The following GATD1 variants were observed in gnomAD, a reference collection of about 807,000 sequenced individuals.
GATD1 encodes glutamine amidotransferase-like class 1 domain-containing protein 1.
GATD1 carries 23 observed loss-of-function variants against 25.9 expected under a neutral mutation model. The ratio of observed to expected loss-of-function variants is 0.89; its 90% CI spans 0.64 to 1.26. GATD1 has a LOEUF of 1.26. GATD1 is among the 50% of genes most tolerant of loss of function. The probability of loss-of-function intolerance (pLI) is 0.00; values close to 1 mark genes in which losing one functional copy is unlikely to be tolerated. For synonymous variants in GATD1, 177 were observed against 134.6 expected, an observed-to-expected ratio of 1.31 and a Z score of -2.18; for missense variants, 347 against 312.5, an observed-to-expected ratio of 1.11 and a Z score of -0.83.
chr11:770,150 G>A lies in GATD1; in HGVS notation c.*747C>T. On this transcript the variant is annotated 3_prime_UTR_variant, in exon 8 of 8. Coordinates refer to ENST00000319863, the MANE Select transcript of GATD1 (RefSeq NM_182612.4). ...GGCCACAGCCCAGGCCAGGTGCCCAGCAGGCTGGACCACTGTCTGCTCTTG... is the reference window on the plus strand; with the variant it reads ...GGCCACAGCCCAGGCCAGGTGCCCAACAGGCTGGACCACTGTCTGCTCTTG... 8.0e-7 allele frequency: 1 copy of A among 1,252,514 alleles called. No individual in the cohort carries two copies. The highest frequency in any genetic ancestry group is 1.0e-6 in the Non-Finnish European group (1 of 997,558). The allele number at this position is 1,252,514 out of a possible 1,614,324, so 77.6% of individuals were successfully genotyped here.
chr11:776,214 C>T (rs1315961917), intron 1 of GATD1, among the ~76,000 whole-genome samples: 1 of 152,076 alleles, frequency 6.6e-6, no homozygotes, highest in Non-Finnish European at 1.5e-5. Flanking sequence ...ATCTCTTGAC[C>T]TCGTGATCCG....
rs576673371 is a variant in GATD1, at chr11:775,054, G to A, written c.141+12C>T. 6.9e-6 allele frequency: 11 copies of A among 1,596,520 alleles called. No homozygotes were observed. In the South Asian group the frequency reaches 8.0e-5, roughly 12 times the overall value. On this transcript the variant is annotated intron_variant, in intron 2 of 7. Transcript: ENST00000319863. Reference sequence around the variant, plus strand: ...CCCAAGTGTCCAGTGGGGAAGGAGAGGCTGGACTTACCCCAGGGGTGGCCA... The same window carrying A: ...CCCAAGTGTCCAGTGGGGAAGGAGAAGCTGGACTTACCCCAGGGGTGGCCA...
rs1351499511 is a variant in GATD1, at chr11:770,654, G to A, written c.*243C>T. 7.8e-6 allele frequency: 11 copies of A among 1,419,060 alleles called. No individual in the cohort carries two copies. The highest frequency in any genetic ancestry group is 4.8e-5 in the South Asian group (3 of 62,810). The allele number at this position is 1,419,060 out of a possible 1,614,324, so 87.9% of individuals were successfully genotyped here. On this transcript the variant is annotated 3_prime_UTR_variant, in exon 8 of 8. Coordinates refer to ENST00000319863, the MANE Select transcript of GATD1 (RefSeq NM_182612.4). ...GCAGCTAGCACAGCTCTCCAGGCAC[G>A]TGGGGTCTTTTCTCTGCCTCCTACC...
chr11:770,351 GA>G lies in GATD1; in HGVS notation c.*545del. On this transcript the variant is annotated 3_prime_UTR_variant, in exon 8 of 8. Coordinates refer to ENST00000319863, the MANE Select transcript of GATD1 (RefSeq NM_182612.4). ...CACGCCAGGAAGATTTCTTCAACAG[GA>G]AAGTGCTGCCAGTGCCGGTCGGCCT... 3.3e-6 allele frequency: 5 copies of G among 1,534,490 alleles called. No homozygotes were observed. The highest frequency in any genetic ancestry group is 4.4e-6 in the Non-Finnish European group (5 of 1,145,994).
At position 771,584 on chromosome 11, in the gene GATD1, G is replaced by A. The variant is rs1390909419; in HGVS notation, c.451-158C>T. 4 of 1,398,720 alleles carry A rather than the reference G, an allele frequency of 2.9e-6. No individual in the cohort carries two copies. In the East Asian group the frequency reaches 7.9e-5, roughly 28 times the overall value. The allele number at this position is 1,398,720 out of a possible 1,614,324, so 86.6% of individuals were successfully genotyped here. ...GGACAGCTGCTAAGGCTGGAGGGCG[G>A]AGAGATGACAAAGTCTAGCCATCTT... is the stretch of plus-strand genomic sequence containing the variant. On this transcript the variant is annotated intron_variant, in intron 5 of 7. Coordinates refer to ENST00000319863, the MANE Select transcript of GATD1 (RefSeq NM_182612.4).
At position 767,524 on chromosome 11, in the gene GATD1, C is replaced by T; in HGVS notation, c.*3373G>A. ...AGAACCCACTTCACATCCCAAAGCCCCACCTGCTTTGATCTTCAATGCTGG... is the reference window on the plus strand; with the variant it reads ...AGAACCCACTTCACATCCCAAAGCCTCACCTGCTTTGATCTTCAATGCTGG... On this transcript the variant is annotated 3_prime_UTR_variant, in exon 8 of 8. Coordinates refer to ENST00000319863, the MANE Select transcript of GATD1 (RefSeq NM_182612.4). 1 of 1,426,482 alleles carries T rather than the reference C, an allele frequency of 7.0e-7. No homozygotes were observed. 88.4% of individuals were successfully genotyped at this position (1,426,482 alleles called of 1,614,324 possible).
In GATD1 at chr11:770,653, C is replaced by T. The variant is rs567929153; in HGVS notation, c.*244G>A. On this transcript the variant is annotated 3_prime_UTR_variant, in exon 8 of 8. Coordinates refer to ENST00000319863, the MANE Select transcript of GATD1 (RefSeq NM_182612.4). ...AGCAGCTAGCACAGCTCTCCAGGCA[C>T]GTGGGGTCTTTTCTCTGCCTCCTAC... The T allele has an allele frequency of 3.4e-5, 48 of 1,419,626 alleles. No homozygotes were observed. In the South Asian group the frequency reaches 5.6e-4, roughly 16 times the overall value. 87.9% of individuals were successfully genotyped at this position (1,419,626 alleles called of 1,614,324 possible). A position where few individuals can be genotyped will look rare whatever the true frequency, so the allele number is the denominator to read the frequency against.
In GATD1 at chr11:777,398, C is replaced by T. The variant is rs1403153210; in HGVS notation, c.64+1G>A. The T allele has an allele frequency of 2.7e-5, 35 of 1,297,880 alleles. No individual in the cohort carries two copies. Among genetic ancestry groups the T allele is most frequent in the Non-Finnish European group, 3.1e-5 (32 of 1,021,450 alleles). 80.4% of individuals were successfully genotyped at this position (1,297,880 alleles called of 1,614,324 possible). ...CACTGGCCCCGGCCGCCGGGCCTCA[C>T]CTTCGGCGGCGCCGCTGGCCACGAG... is the stretch of plus-strand genomic sequence containing the variant. On this transcript the variant is annotated splice_donor_variant, in intron 1 of 7. Coordinates refer to ENST00000319863, the MANE Select transcript of GATD1 (RefSeq NM_182612.4). LOFTEE classifies it high-confidence loss of function.
Position 767,507 on chromosome 11 carries a change from C to A in GATD1, c.*3390G>T. On this transcript the variant is annotated 3_prime_UTR_variant, in exon 8 of 8. Coordinates refer to ENST00000319863, the MANE Select transcript of GATD1 (RefSeq NM_182612.4). The stretch of plus-strand genomic sequence containing the variant: ...CTGTGGGGCCCCGCGTCAGAACCCA[C>A]TTCACATCCCAAAGCCCCACCTGCT... The A allele has an allele frequency of 1.4e-6, 2 of 1,428,724 alleles. No homozygotes were observed. The highest frequency in any genetic ancestry group is 1.8e-6 in the Non-Finnish European group (2 of 1,097,206). The allele number at this position is 1,428,724 out of a possible 1,614,324, so 88.5% of individuals were successfully genotyped here.
At chr11:775,170 T>A (rs1162191872) in intron 1 of GATD1, 28 bp from the exon 2 acceptor site, 1 of 1,574,982 alleles carries the variant, frequency 6.3e-7, no homozygotes, top group Admixed American at 1.9e-5. Context: ...GAGTGTGGGC[T>A]CGACAGGACT....
Position 770,726 on chromosome 11 carries a change from AC to A in GATD1, c.*170del, listed in dbSNP as rs1863352730. 11 of 1,472,988 alleles carry A rather than the reference AC, an allele frequency of 7.5e-6. No homozygotes were observed. The highest frequency in any genetic ancestry group is 9.8e-6 in the Non-Finnish European group (11 of 1,118,792). The allele number at this position is 1,472,988 out of a possible 1,614,324, so 91.2% of individuals were successfully genotyped here. On this transcript the variant is annotated 3_prime_UTR_variant, in exon 8 of 8. Transcript: ENST00000319863. Reference sequence around the variant, plus strand: ...GGGTTTGGACCCTCCAGGAGAGCCGACACCCCCTCAGAGCTGATTCCAGGAG... The same window carrying A: ...GGGTTTGGACCCTCCAGGAGAGCCGAACCCCCTCAGAGCTGATTCCAGGAG...
intron 1 of GATD1, among the ~76,000 whole-genome samples, chr11:776,476 G>A (rs1863991934): frequency 6.6e-6 from 1 of 151,934 alleles, no homozygotes; most frequent in African/African-American, 2.4e-5. Flanking sequence ...ACGCCTACCT[G>A]CTCTGGAAAC....
At position 767,530 on chromosome 11, in the gene GATD1, G is replaced by T; in HGVS notation, c.*3367C>A. 1 of 1,425,320 alleles carries T rather than the reference G, an allele frequency of 7.0e-7. No individual in the cohort carries two copies. The highest frequency in any genetic ancestry group is 9.1e-7 in the Non-Finnish European group (1 of 1,095,776). The allele number at this position is 1,425,320 out of a possible 1,614,324, so 88.3% of individuals were successfully genotyped here. ...CACTTCACATCCCAAAGCCCCACCTGCTTTGATCTTCAATGCTGGGCTCAA... is the reference window on the plus strand; with the variant it reads ...CACTTCACATCCCAAAGCCCCACCTTCTTTGATCTTCAATGCTGGGCTCAA... On this transcript the variant is annotated 3_prime_UTR_variant, in exon 8 of 8. Coordinates refer to ENST00000319863, the MANE Select transcript of GATD1 (RefSeq NM_182612.4).
In GATD1 at chr11:770,558, G is replaced by A; in HGVS notation, c.*339C>T. 7.1e-7 allele frequency: 1 copy of A among 1,415,792 alleles called. No individual in the cohort carries two copies. 87.7% of individuals were successfully genotyped at this position (1,415,792 alleles called of 1,614,324 possible). On this transcript the variant is annotated 3_prime_UTR_variant, in exon 8 of 8. Transcript: ENST00000319863. ...AGGACCCCCGAGCCGACTCTGTCTA[G>A]TCAACAGTGACCACACGTGACAACC...
intron 6 of GATD1, 79 bp downstream of exon 6, chr11:771,251 CAGG>C: frequency 6.4e-7 from 1 of 1,557,514 alleles, no homozygotes; most frequent in South Asian, 1.2e-5. Context: ...ACCCAGGGCC[CAGG>C]AGGCTTCTCC....
In GATD1 at chr11:770,975, C is replaced by T. The variant is rs752966924; in HGVS notation, c.656+18G>A. 8 of 1,613,322 alleles carry T rather than the reference C, an allele frequency of 5.0e-6. No individual in the cohort carries two copies. Among genetic ancestry groups the T allele is most frequent in the Non-Finnish European group, 6.8e-6 (8 of 1,179,988 alleles). ...CAGCTCTGATGTGGCAGGAATGTGC[C>T]CACCCTGGTGCCCTCACCGGCTGCC... On this transcript the variant is annotated intron_variant, in intron 7 of 7. Transcript: ENST00000319863.
At chr11:774,501 C>T (rs1380723520) in intron 2 of GATD1, among the ~76,000 whole-genome samples, 1 of 152,258 alleles carries the variant, frequency 6.6e-6, no homozygotes, top group Non-Finnish European at 1.5e-5. Flanking sequence ...TGGTCTCCTC[C>T]TCACACACGT....
Position 773,995 on chromosome 11 carries a change from G to A in GATD1, c.247+13C>T. The A allele has an allele frequency of 6.2e-7, 1 of 1,612,294 alleles. No individual in the cohort carries two copies. Among genetic ancestry groups the A allele is most frequent in the Non-Finnish European group, 8.5e-7 (1 of 1,179,162 alleles). On this transcript the variant is annotated intron_variant, in intron 3 of 7. Coordinates refer to ENST00000319863, the MANE Select transcript of GATD1 (RefSeq NM_182612.4). Reference sequence around the variant, plus strand: ...CAGGCACCCCACCCCCAAGGAGTGGGTCCCGGGCCTACCATCGATGGACTC... The same window carrying A: ...CAGGCACCCCACCCCCAAGGAGTGGATCCCGGGCCTACCATCGATGGACTC...
intron 1 of GATD1, 71 bp from the exon 2 acceptor site, chr11:775,213 C>A (rs1863843920): frequency 1.2e-5 from 16 of 1,305,794 alleles, no homozygotes; most frequent in African/African-American, 2.9e-5. Flanking sequence ...TACCCAGACA[C>A]CCCCATGGCC....
Sources: allele counts gnomAD v4.1 joint callset (sites outside exome capture counted in the v4.1 genomes callset), GRCh38; gene constraint gnomAD v4.1.1; transcripts MANE v1.5; gene names NCBI Gene and HGNC (gene_info 2026-07-23, HGNC 2026-07-21).